The following KCNMB1 variants were observed in gnomAD, a reference collection of about 807,000 sequenced individuals.
KCNMB1 encodes the protein potassium calcium-activated channel subfamily M regulatory beta subunit 1, also known as calcium-activated potassium channel subunit beta-1.
KCNMB1 carries 22 observed loss-of-function variants against 21.7 expected under a neutral mutation model. The ratio of observed to expected loss-of-function variants is 1.01; its 90% confidence interval spans 0.72 to 1.45. KCNMB1 has a LOEUF of 1.45. Among genes scored for constraint, KCNMB1 ranks in the 40% most tolerant of loss-of-function variants. The pLI is 0.00. For synonymous variants in KCNMB1, 114 were observed against 107.6 expected, an observed-to-expected ratio of 1.06 and a Z score of -0.37; for missense variants, 243 against 243.4, an observed-to-expected ratio of 1.00 and a Z score of 0.01.
rs751855710 is a variant in KCNMB1 at position 170,378,936 on chromosome 5, G to A, written c.344C>T (p.Thr115Met). 154 of 1,614,022 alleles carry A rather than the reference G, an allele frequency of 9.5e-5. No individual in the cohort carries two copies. The highest frequency in any genetic ancestry group is 3.3e-4 in the Middle Eastern group (2 of 6,082). ...YIPGSVDNYQ[T>M]ARADVEKVRA... ...GACCTTCTCCACGTCGGCCCGGGCC[G>A]TCTGGTAATTGTCCACGCTGCCTGG... Residue 115 changes from threonine (T) to methionine (M), a missense_variant, in exon 4 of 4, where the codon ACG (threonine) becomes ATG (methionine). Coordinates refer to ENST00000274629, the MANE Select transcript of KCNMB1 (RefSeq NM_004137.4).
At chr5:170,385,945 C>T (rs187342355) in intron 1 of KCNMB1, among the ~76,000 whole-genome samples, 1 of 151,628 alleles carries the variant, frequency 6.6e-6, no homozygotes, top group East Asian at 1.9e-4. Flanking sequence ...TGGTGAAACC[C>T]CATCTCTACT....
At chr5:170,380,629 C>T (rs367930647) in intron 3 of KCNMB1, among the ~76,000 whole-genome samples, 76 of 152,342 alleles carry the variant, frequency 5.0e-4, no homozygotes, top group African/African-American at 1.5e-3. Flanking sequence ...GCTGGGGAGA[C>T]GCTGGCTCCT....
At chr5:170,380,435 G>A (rs1348817504) in intron 3 of KCNMB1, among the ~76,000 whole-genome samples, 1 of 152,348 alleles carries the variant, frequency 6.6e-6, no homozygotes, top group East Asian at 1.9e-4. Flanking sequence ...CAGGTGTTGA[G>A]CCAGATTCCT....
In KCNMB1 at chr5:170,385,364, G is replaced by C; in HGVS notation, c.84C>G (p.Val28=). ...TCGTGACCAGGATGTAGTAGGTGAT[G>C]ACGGCACACACCACCATGGTTACAC... ...CLGVTMVVCA[V]ITYYILVTTV... is the part of the protein sequence containing the mutation. Residue 28 remains valine (V), a synonymous_variant, in exon 2 of 4, where the codon GTC becomes GTG. Transcript: ENST00000274629. 2 of 1,614,142 alleles carry C rather than the reference G, an allele frequency of 1.2e-6. No homozygotes were observed. Among genetic ancestry groups the C allele is most frequent in the Non-Finnish European group, 1.7e-6 (2 of 1,180,030 alleles).
At position 170,377,036 on chromosome 5, in the gene KCNMB1, G is replaced by A. The variant is rs1485347411; in HGVS notation, c.*1668C>T. On this transcript the variant is annotated 3_prime_UTR_variant, in exon 4 of 4. Transcript: ENST00000274629. The stretch of plus-strand genomic sequence containing the variant: ...AGAATCAAAGAGATGAAATCGGGCA[G>A]AGTAGAGACAGGATTCAAACCCAAG... 1 of 152,208 alleles carries A rather than the reference G, an allele frequency of 6.6e-6. No homozygotes were observed. Among genetic ancestry groups the A allele is most frequent in the Non-Finnish European group, 1.5e-5 (1 of 68,042 alleles). The allele number at this position is 152,208 out of a possible 1,614,324, so 9.4% of individuals were successfully genotyped here.
Position 170,383,864 on chromosome 5 carries a change from A to C in KCNMB1, c.135-14T>G. On this transcript the variant is annotated splice_polypyrimidine_tract_variant and intron_variant, in intron 2 of 3. Coordinates refer to ENST00000274629, the MANE Select transcript of KCNMB1 (RefSeq NM_004137.4). Reference sequence around the variant, plus strand: ...TGGGTCCACACGCTGAGGAGACCACACACATGCACACATACACATCTCAGA... The same window carrying C: ...TGGGTCCACACGCTGAGGAGACCACCCACATGCACACATACACATCTCAGA... 2 of 1,612,824 alleles carry C rather than the reference A, an allele frequency of 1.2e-6. No homozygotes were observed. Among genetic ancestry groups the C allele is most frequent in the Non-Finnish European group, 1.7e-6 (2 of 1,179,380 alleles).
At chr5:170,383,520 C>T in intron 3 of KCNMB1, 159 bp downstream of exon 3, 2 of 794,416 alleles carry the variant, frequency 2.5e-6, no homozygotes, top group Non-Finnish European at 4.2e-6. Context: ...CTGTGTGACT[C>T]CAACACAGAA....
rs144383468 is a variant in KCNMB1 at position 170,383,771 on chromosome 5, G to T, written c.214C>A (p.Pro72Thr). ...DQEELKGKKVPQYPCLWVNVS... is the reference protein window; with the variant it reads ...DQEELKGKKVTQYPCLWVNVS... ...TTGACCCACAGGCATGGGTACTGGG[G>T]CACCTTCTTGCCCTTCAGCTCCTCC... is the stretch of plus-strand genomic sequence containing the variant. The change falls in exon 3 of 4, where the codon CCC becomes ACC. Residue 72 changes from proline (P) to threonine (T), a missense_variant. By Grantham distance (38) the Pro-to-Thr change is conservative (BLOSUM62 -1). Coordinates refer to ENST00000274629, the MANE Select transcript of KCNMB1 (RefSeq NM_004137.4). 5.1e-5 allele frequency: 83 copies of T among 1,613,968 alleles called. No homozygotes were observed. The highest frequency in any genetic ancestry group is 6.4e-5 in the Non-Finnish European group (75 of 1,179,994).
chr5:170,387,821 G>T (rs1040679608), intron 1 of KCNMB1, among the ~76,000 whole-genome samples: 1 of 152,206 alleles, frequency 6.6e-6, no homozygotes, highest in African/African-American at 2.4e-5. Context: ...AGCCCCAACA[G>T]CCTGCTTCCC....
chr5:170,379,222 A>T (rs917433020), intron 3 of KCNMB1, among the ~76,000 whole-genome samples: 43 of 152,226 alleles, frequency 2.8e-4, no homozygotes, highest in African/African-American at 1.0e-3. Context: ...CGCAGGTCCT[A>T]CCTTGGAGTC....
At chr5:170,383,299 G>A (rs1311615840) in intron 3 of KCNMB1, 6 of 505,042 alleles carry the variant, frequency 1.2e-5, no homozygotes, top group Non-Finnish European at 1.8e-5. Flanking sequence ...TAGAATGAAA[G>A]TACTAACACT....
chr5:170,386,686 G>GC (rs1705218439), intron 1 of KCNMB1, among the ~76,000 whole-genome samples: 1 of 143,930 alleles, frequency 6.9e-6, no homozygotes, highest in Non-Finnish European at 1.5e-5. Flanking sequence ...ATATTCCGGT[G>GC]TTTTTTTTTT....
chr5:170,385,100 G>C (rs1764410269), intron 2 of KCNMB1, among the ~76,000 whole-genome samples: 1 of 152,172 alleles, frequency 6.6e-6, no homozygotes, highest in Admixed American at 6.5e-5. Flanking sequence ...TCATGTGTCT[G>C]TTACCACCAG....
chr5:170,385,349 G>A lies in KCNMB1; in HGVS notation c.99C>T (p.Ile33=). ...MVVCAVITYY[I]LVTTVLPLYQ... ...AGAGGGGCAGCACAGTCGTGACCAG[G>A]ATGTAGTAGGTGATGACGGCACACA... Residue 33 remains isoleucine (I), a synonymous_variant, in exon 2 of 4, where the codon ATC becomes ATT. Transcript: ENST00000274629. 6.2e-7 allele frequency: 1 copy of A among 1,614,142 alleles called. No homozygotes were observed. The highest frequency in any genetic ancestry group is 8.5e-7 in the Non-Finnish European group (1 of 1,180,024).
At chr5:170,380,944 A>C (rs1282646338) in intron 3 of KCNMB1, among the ~76,000 whole-genome samples, 1 of 152,228 alleles carries the variant, frequency 6.6e-6, no homozygotes, top group African/African-American at 2.4e-5. Context: ...AGCACTGAGC[A>C]CAGAAGCCCA....
intron 1 of KCNMB1, among the ~76,000 whole-genome samples, chr5:170,388,970 G>A (rs1480410236): frequency 6.6e-6 from 1 of 152,182 alleles, no homozygotes; most frequent in South Asian, 2.1e-4. Flanking sequence ...CTCTACCGGT[G>A]ACAAGTGCCA....
intron 1 of KCNMB1, among the ~76,000 whole-genome samples, chr5:170,388,199 T>G (rs1764564304): frequency 6.6e-6 from 1 of 152,222 alleles, no homozygotes; most frequent in African/African-American, 2.4e-5. Context: ...CTTGGCTTAT[T>G]CAGGTCTGAC....
At chr5:170,383,932 T>A in intron 2 of KCNMB1, 82 bp from the exon 3 acceptor site, 3 of 1,457,626 alleles carry the variant, frequency 2.1e-6, no homozygotes, top group Non-Finnish European at 2.8e-6. Flanking sequence ...CATTATCCCC[T>A]GGGAGCCTCT....
rs1764050458 is a variant in KCNMB1 at position 170,377,464 on chromosome 5, G to A, written c.*1240C>T. On this transcript the variant is annotated 3_prime_UTR_variant, in exon 4 of 4. Coordinates refer to ENST00000274629, the MANE Select transcript of KCNMB1 (RefSeq NM_004137.4). Reference sequence around the variant, plus strand: ...TTCCCATTTTGCCCTTTTCAAATCTGAGATAGGCTTCCCCAGCAGGCTCAG... The same window carrying A: ...TTCCCATTTTGCCCTTTTCAAATCTAAGATAGGCTTCCCCAGCAGGCTCAG... 6.6e-6 allele frequency: 1 copy of A among 152,216 alleles called. No individual in the cohort carries two copies. The highest frequency in any genetic ancestry group is 2.1e-4 in the South Asian group (1 of 4,832). The allele number at this position is 152,216 out of a possible 1,614,324, so 9.4% of individuals were successfully genotyped here.
Sources: allele counts gnomAD v4.1 joint callset (sites outside exome capture counted in the v4.1 genomes callset), GRCh38; gene constraint gnomAD v4.1.1; transcripts MANE v1.5; gene names NCBI Gene and HGNC (gene_info 2026-07-23, HGNC 2026-07-21).